Variants in FMO3 observed in about 807,000 individuals in gnomAD.
The protein encoded by FMO3 is flavin-containing monooxygenase 3.
A neutral mutation model predicts 39.4 loss-of-function variants in FMO3; 40 were observed. That is an observed-to-expected ratio of 1.02 (90% CI 0.79 to 1.32). The LOEUF (loss-of-function observed/expected upper bound fraction) is 1.32. Ranked by LOEUF, FMO3 falls within the 40% of genes most tolerant of loss-of-function variation. FMO3 has a pLI of 0.00. For synonymous variants in FMO3, 219 were observed against 228.8 expected (o/e 0.96, Z 0.39); for missense variants, 680 against 651.8 (o/e 1.04, Z -0.47).
intron 6 of FMO3, among the ~76,000 whole-genome samples, chr1:171,111,377 G>A (rs79573936): frequency 6.6e-6 from 1 of 152,104 alleles, no homozygotes; most frequent in Non-Finnish European, 1.5e-5. Context: ...AGATAACTGC[G>A]TTTCAGTGTA....
chr1:171,108,157 TG>T lies in FMO3; in HGVS notation c.565del (p.Val189TrpfsTer23), dbSNP rs1276441040. 3.1e-6 allele frequency: 5 copies of T among 1,613,954 alleles called. No homozygotes were observed. The highest frequency in any genetic ancestry group is 4.2e-6 in the Non-Finnish European group (5 of 1,179,912). On this transcript the variant is annotated frameshift_variant, in exon 5 of 9. Coordinates refer to ENST00000367755, the MANE Select transcript of FMO3 (RefSeq NM_001002294.3). LOFTEE classifies it high-confidence loss of function. ...GGTGTATTCAATGGAAAGCGTGTCC[TG>T]GTGGTTGGCCTGGGGAATTCGGGCT... is the stretch of plus-strand genomic sequence containing the variant. ...EPGVFNGKRVLVVGLGNSGCD... is the reference protein window; with the variant it reads ...EPGVFNGKRVXVVGLGNSGCD...
chr1:171,113,610 A>G (rs1656007252), intron 6 of FMO3, among the ~76,000 whole-genome samples: 1 of 152,242 alleles, frequency 6.6e-6, no homozygotes, highest in South Asian at 2.1e-4. Flanking sequence ...GAGAAATATG[A>G]GACACCAAGA....
chr1:171,096,165 TA>T (rs1228772967), intron 2 of FMO3, among the ~76,000 whole-genome samples: 3 of 69,740 alleles, frequency 4.3e-5, no homozygotes, highest in Admixed American at 2.8e-4. Context: ...ATATAATATA[TA>T]TAATTATATA....
intron 2 of FMO3, among the ~76,000 whole-genome samples, chr1:171,096,244 TAC>T (rs1361350390): frequency 1.4e-5 from 1 of 73,090 alleles, no homozygotes; most frequent in Non-Finnish European, 2.2e-5. Context: ...TATTATTTCA[TAC>T]ATATTATATA....
At chr1:171,092,487 T>G (rs1654757513) in intron 1 of FMO3, among the ~76,000 whole-genome samples, 166 bp from the exon 2 acceptor site, 1 of 152,190 alleles carries the variant, frequency 6.6e-6, no homozygotes, top group Admixed American at 6.5e-5. Flanking sequence ...CACCTCAGCC[T>G]CCCAAAGTGC....
intron 5 of FMO3, 106 bp downstream of exon 5, chr1:171,108,327 G>A: frequency 7.4e-7 from 1 of 1,345,694 alleles, no homozygotes; most frequent in Non-Finnish European, 1.0e-6. Context: ...GGTATCTGAT[G>A]TAAAGACTAA....
In FMO3 at chr1:171,107,663, T is replaced by C. The variant is rs373952198; in HGVS notation, c.322-12T>C. On this transcript the variant is annotated splice_polypyrimidine_tract_variant and intron_variant, in intron 3 of 8. Transcript: ENST00000367755. ...CATAGAAAAGAGGGATTTCTTTCTG[T>C]ATTTCTCTTAGACATTTGTATCCAG... is the stretch of plus-strand genomic sequence containing the variant. 3.7e-6 allele frequency: 6 copies of C among 1,610,894 alleles called. No individual in the cohort carries two copies. The African/African-American group carries it at 6.7e-5, about 18-fold the overall frequency.
At chr1:171,114,929 G>T (rs576024779) in intron 7 of FMO3, among the ~76,000 whole-genome samples, 1 of 152,210 alleles carries the variant, frequency 6.6e-6, no homozygotes, top group African/African-American at 2.4e-5. Context: ...GCTCAGTGTA[G>T]TAGATGATCA....
At chr1:171,099,620 G>T (rs559367519) in intron 2 of FMO3, among the ~76,000 whole-genome samples, 337 of 150,650 alleles carry the variant, frequency 2.2e-3, no homozygotes, top group Non-Finnish European at 3.9e-3. Flanking sequence ...TAAAAGAAAA[G>T]AAAAAAAATC....
intron 2 of FMO3, among the ~76,000 whole-genome samples, chr1:171,099,620 GA>G (rs372233760): frequency 1.2e-4 from 18 of 150,648 alleles, no homozygotes; most frequent in African/African-American, 3.4e-4. Context: ...TAAAAGAAAA[GA>G]AAAAAAATCA....
chr1:171,096,889 A>G (rs1377436149), intron 2 of FMO3, among the ~76,000 whole-genome samples: 2 of 151,302 alleles, frequency 1.3e-5, no homozygotes, highest in Non-Finnish European at 2.9e-5. Context: ...TGCGGCACCC[A>G]TTAACTTGTC....
intron 6 of FMO3, among the ~76,000 whole-genome samples, chr1:171,112,667 G>C (rs1655965322): frequency 6.6e-6 from 1 of 152,198 alleles, no homozygotes; most frequent in Admixed American, 6.5e-5. Context: ...ATGCCTATTA[G>C]ACATTCTGGT....
chr1:171,111,535 G>A (rs1181539492), intron 6 of FMO3, among the ~76,000 whole-genome samples: 1 of 152,056 alleles, frequency 6.6e-6, no homozygotes, highest in Non-Finnish European at 1.5e-5. Context: ...TCAGGAGAAC[G>A]TTTCATGTCC....
chr1:171,103,981 G>T lies in FMO3; in HGVS notation c.321+8G>T. On this transcript the variant is annotated splice_region_variant and intron_variant, in intron 3 of 8. Coordinates refer to ENST00000367755, the MANE Select transcript of FMO3 (RefSeq NM_001002294.3). Reference sequence around the variant, plus strand: ...AAGTACATACAATTTAAGGTAAGATGTTATCAACAATTTAGCTCTTGTCAT... The same window carrying T: ...AAGTACATACAATTTAAGGTAAGATTTTATCAACAATTTAGCTCTTGTCAT... 6.3e-7 allele frequency: 1 copy of T among 1,595,338 alleles called. No homozygotes were observed.
intron 1 of FMO3, among the ~76,000 whole-genome samples, chr1:171,092,095 A>G (rs1654743123): frequency 6.6e-6 from 1 of 152,168 alleles, no homozygotes; most frequent in African/African-American, 2.4e-5. Context: ...ATAAATATGT[A>G]TGCTGGGTCA....
chr1:171,096,337 A>G (rs1655049816), intron 2 of FMO3, among the ~76,000 whole-genome samples: 1 of 94,352 alleles, frequency 1.1e-5, no homozygotes, highest in South Asian at 3.7e-4. Context: ...TATAAAATAT[A>G]TAAATATATA....
At chr1:171,102,644 T>G (rs915667905) in intron 2 of FMO3, among the ~76,000 whole-genome samples, 1 of 152,172 alleles carries the variant, frequency 6.6e-6, no homozygotes, top group Non-Finnish European at 1.5e-5. Flanking sequence ...GTCAATTAAA[T>G]CAAATTCTCT....
At chr1:171,092,881 C>T (rs1654779547) in intron 2 of FMO3, 91 bp downstream of exon 2, 1 of 1,330,720 alleles carries the variant, frequency 7.5e-7, no homozygotes. Flanking sequence ...AACCTGCTAC[C>T]ATGGCAGTTA....
intron 2 of FMO3, among the ~76,000 whole-genome samples, chr1:171,096,323 A>G (rs1325250094): frequency 9.5e-5 from 9 of 95,018 alleles, no homozygotes; most frequent in South Asian, 3.6e-4. Flanking sequence ...ATTTATATAT[A>G]ATATATAAAA....
Sources: allele counts gnomAD v4.1 joint callset (sites outside exome capture counted in the v4.1 genomes callset), GRCh38; gene constraint gnomAD v4.1.1; transcripts MANE v1.5; gene names NCBI Gene and HGNC (gene_info 2026-07-23, HGNC 2026-07-21).